Variants in SNTG2 observed in about 807,000 individuals in gnomAD.
SNTG2 encodes the protein gamma-2-syntrophin.
In SNTG2, 74 loss-of-function variants were observed where a neutral mutation model predicts 70.9. The ratio of observed to expected loss-of-function variants is 1.04; its 90% confidence interval spans 0.86 to 1.27. The LOEUF is 1.27. Ranked by LOEUF, SNTG2 falls within the 50% of genes most tolerant of loss-of-function variation. The probability of loss-of-function intolerance (pLI) is 0.00; values close to 1 mark genes in which losing one functional copy is unlikely to be tolerated. For synonymous variants in SNTG2, 278 were observed against 273.8 expected (o/e 1.02, Z -0.15); for missense variants, 717 against 690.7 (o/e 1.04, Z -0.43).
chr2:1,158,009 C>G (rs145034359), intron 6 of SNTG2, among the ~76,000 whole-genome samples: 1 of 152,162 alleles, frequency 6.6e-6, no homozygotes, highest in East Asian at 1.9e-4. Context: ...AGGTTTGGTA[C>G]GGGGCATCCT....
chr2:1,106,752 G>C (rs4971446), intron 4 of SNTG2, among the ~76,000 whole-genome samples: 5 of 23,408 alleles, frequency 2.1e-4, no homozygotes, highest in Admixed American at 3.9e-4. Context: ...TAATGGACAC[G>C]TGCTGTCACT....
At chr2:1,030,613 G>A (rs12464611) in intron 1 of SNTG2, among the ~76,000 whole-genome samples, 15 of 152,312 alleles carry the variant, frequency 9.8e-5, no homozygotes, top group African/African-American at 3.4e-4. Context: ...CAGTAGGTTA[G>A]GTGTTCCTGT....
intron 4 of SNTG2, among the ~76,000 whole-genome samples, chr2:1,116,068 A>G (rs1173637627): frequency 6.6e-6 from 1 of 152,190 alleles, no homozygotes; most frequent in Non-Finnish European, 1.5e-5. Context: ...TGATAAATTT[A>G]TGACTGAAAC....
chr2:1,290,317 C>CTTTTTTT (rs34782770), intron 14 of SNTG2, among the ~76,000 whole-genome samples: 1 of 144,438 alleles, frequency 6.9e-6, no homozygotes, highest in Non-Finnish European at 1.5e-5. Flanking sequence ...GTTCTACATC[C>CTTTTTTT]TTTTTTTTTT....
chr2:1,109,096 T>TGGGG (rs1349215841), intron 4 of SNTG2, among the ~76,000 whole-genome samples: 1 of 152,074 alleles, frequency 6.6e-6, no homozygotes, highest in Non-Finnish European at 1.5e-5. Flanking sequence ...GGACGCACGC[T>TGGGG]GTCACTGGGG....
In SNTG2 at chr2:1,092,264, A is replaced by AG. The variant is rs200611804; in HGVS notation, c.211-5932_211-5931insG. Among the ~76,000 whole-genome samples, 310 of 150,918 alleles carry AG rather than the reference A, an allele frequency of 2.1e-3. 1 individual carries two copies. Among genetic ancestry groups the AG allele is most frequent in the African/African-American group, 6.9e-3 (285 of 41,084 alleles). ...CCTTCAATTAGAGAGAGAAAAAAAAACCCTTATTTTCTAGGTCCCTCGCCT... is the reference window on the plus strand; with the variant it reads ...CCTTCAATTAGAGAGAGAAAAAAAAAGCCCTTATTTTCTAGGTCCCTCGCCT... On this transcript the variant is annotated intron_variant, in intron 2 of 16. Coordinates refer to ENST00000308624, the MANE Select transcript of SNTG2 (RefSeq NM_018968.4).
rs183552991 is a variant in SNTG2, at chr2:951,699, A to G, written c.72+631A>G. Among the ~76,000 whole-genome samples, 320 of 152,298 alleles carry G rather than the reference A, an allele frequency of 2.1e-3. 2 individuals carry two copies. The highest frequency in any genetic ancestry group is 7.5e-3 in the African/African-American group (310 of 41,544). On this transcript the variant is annotated intron_variant, in intron 1 of 16. Transcript: ENST00000308624. Reference sequence around the variant, plus strand: ...TAAACTATTGATTGACAGAAAACAGAAATGTTGGCCCAAAGAAAAACGAAA... The same window carrying G: ...TAAACTATTGATTGACAGAAAACAGGAATGTTGGCCCAAAGAAAAACGAAA...
At chr2:1,299,997 T>C (rs777918078) in intron 14 of SNTG2, among the ~76,000 whole-genome samples, 40 of 151,610 alleles carry the variant, frequency 2.6e-4, no homozygotes, top group Non-Finnish European at 4.4e-4. Flanking sequence ...ATCACTGCTC[T>C]GAAGGGCGTG....
chr2:1,033,415 T>C (rs1660951601), intron 1 of SNTG2, among the ~76,000 whole-genome samples: 1 of 152,232 alleles, frequency 6.6e-6, no homozygotes, highest in South Asian at 2.1e-4. Context: ...ACTCCACAAA[T>C]GCCTGTCCCT....
chr2:1,158,438 T>C (rs1368949670), intron 6 of SNTG2: 4 of 152,224 alleles, frequency 2.6e-5, no homozygotes, highest in Non-Finnish European at 4.4e-5. Flanking sequence ...CAGAGGAGAC[T>C]CCTGTGTGTT....
chr2:1,125,072 T>C lies in SNTG2; in HGVS notation c.326-12550T>C, dbSNP rs1244349137. Among the ~76,000 whole-genome samples the C allele has an allele frequency of 4.6e-5, 7 of 152,180 alleles. No individual in the cohort carries two copies. In the South Asian group the frequency reaches 1.2e-3, roughly 27 times the overall value. On this transcript the variant is annotated intron_variant, in intron 4 of 16. Coordinates refer to ENST00000308624, the MANE Select transcript of SNTG2 (RefSeq NM_018968.4). The stretch of plus-strand genomic sequence containing the variant: ...TTTGTATGCCTTAGACATACTGTTA[T>C]TATTAATAGTAACAAAAATCTACTG...
At chr2:1,183,364 G>T (rs924635101) in intron 8 of SNTG2, among the ~76,000 whole-genome samples, 12 of 152,012 alleles carry the variant, frequency 7.9e-5, no homozygotes, top group Admixed American at 7.2e-4. Flanking sequence ...CTGGGTGTCT[G>T]CTCAGGAGTG....
At chr2:1,295,754 T>C (rs1680179913) in intron 14 of SNTG2, among the ~76,000 whole-genome samples, 1 of 151,194 alleles carries the variant, frequency 6.6e-6, no homozygotes, top group Non-Finnish European at 1.5e-5. Flanking sequence ...TGGCTTCCAC[T>C]GTAGAAGGCT....
At chr2:966,966 C>CAAACA (rs140181940) in intron 1 of SNTG2, among the ~76,000 whole-genome samples, 19 of 147,356 alleles carry the variant, frequency 1.3e-4, no homozygotes, top group Admixed American at 2.8e-4. Context: ...AACAAACAAA[C>CAAACA]AAAAAAACAA....
chr2:1,028,852 T>G (rs190834132), intron 1 of SNTG2, among the ~76,000 whole-genome samples: 11 of 152,278 alleles, frequency 7.2e-5, no homozygotes, highest in Middle Eastern at 3.4e-3. Context: ...TTTTGTGCTA[T>G]ATTACACGCT....
chr2:1,326,324 C>T (rs1681758061), intron 16 of SNTG2, among the ~76,000 whole-genome samples: 1 of 152,054 alleles, frequency 6.6e-6, no homozygotes, highest in Non-Finnish European at 1.5e-5. Flanking sequence ...TTCCAGAGGT[C>T]TTAATGTTCA....
At chr2:1,022,519 G>A (rs887757932) in intron 1 of SNTG2, among the ~76,000 whole-genome samples, 1 of 151,872 alleles carries the variant, frequency 6.6e-6, no homozygotes, top group Non-Finnish European at 1.5e-5. Context: ...CTGAGTTCCC[G>A]TGAGTCCTTG....
chr2:1,153,678 C>G (rs1669667794), intron 6 of SNTG2, among the ~76,000 whole-genome samples: 2 of 152,196 alleles, frequency 1.3e-5, no homozygotes, highest in Non-Finnish European at 2.9e-5. Context: ...TACACATAAT[C>G]TCTCCAAAGA....
chr2:1,080,902 C>T (rs1664245330), intron 1 of SNTG2, among the ~76,000 whole-genome samples: 1 of 152,116 alleles, frequency 6.6e-6, no homozygotes, highest in African/African-American at 2.4e-5. Context: ...GGACATACTT[C>T]TGAGCTCCAT....
Sources: allele counts gnomAD v4.1 joint callset (sites outside exome capture counted in the v4.1 genomes callset), GRCh38; gene constraint gnomAD v4.1.1; transcripts MANE v1.5; gene names NCBI Gene and HGNC (gene_info 2026-07-23, HGNC 2026-07-21).